NLRP14: variants seen among roughly 807,000 people sequenced by gnomAD.
NLRP14 encodes NACHT, LRR and PYD domains-containing protein 14.
In NLRP14, 105 loss-of-function variants were observed where a neutral mutation model predicts 94.7. The ratio of observed to expected loss-of-function variants is 1.11; its 90% CI spans 0.95 to 1.30. The LOEUF (loss-of-function observed/expected upper bound fraction) is 1.30, where lower values mean the gene tolerates loss of function less well. Among genes scored for constraint, NLRP14 ranks in the 50% most tolerant of loss-of-function variants. The pLI is 0.00. For missense variants in NLRP14, 1,362 were observed against 1,254.1 expected, an observed-to-expected ratio of 1.09 and a Z score of -1.30; for synonymous variants, 508 against 459.9, an observed-to-expected ratio of 1.10 and a Z score of -1.34.
intron 6 of NLRP14, among the ~76,000 whole-genome samples, chr11:7,054,778 C>A (rs946831243): frequency 1.3e-5 from 2 of 151,974 alleles, no homozygotes; most frequent in African/African-American, 4.8e-5. Context: ...TTGGTTGTTT[C>A]TTTTGCTGTG....
At chr11:7,041,121 A>C (rs376572750) in intron 3 of NLRP14, among the ~76,000 whole-genome samples, 1 of 152,168 alleles carries the variant, frequency 6.6e-6, no homozygotes, top group Non-Finnish European at 1.5e-5. Flanking sequence ...TGTTTGAATT[A>C]CTATAGTTTC....
the NLRP14 span, among the ~76,000 whole-genome samples, chr11:7,086,100 AT>A: frequency 3.8e-4 from 58 of 152,272 alleles, no homozygotes; most frequent in Non-Finnish European, 8.1e-4. Flanking sequence ...TCTATTCCTA[AT>A]TTTTTGAAGA....
Position 7,070,590 on chromosome 11 carries a change from T to C in NLRP14, c.3146+134T>C, listed in dbSNP as rs1042069072. 50 of 659,048 alleles carry C rather than the reference T, an allele frequency of 7.6e-5. No homozygotes were observed. In the South Asian group the frequency reaches 8.7e-4, roughly 11 times the overall value. The allele number at this position is 659,048 out of a possible 1,614,324, so 40.8% of individuals were successfully genotyped here. On this transcript the variant is annotated intron_variant, in intron 11 of 11. Transcript: ENST00000299481. ...TTTTCTAGACACTTATTTGTTTTTC[T>C]GTCATAGAACACTGAATATTGAGAG...
chr11:7,088,080 C>T, the NLRP14 span, among the ~76,000 whole-genome samples: 4,718 of 152,188 alleles, frequency 0.031, 137 homozygotes, highest in East Asian at 0.13. Flanking sequence ...AAATAAAAAA[C>T]AAGTTAGAAA....
chr11:7,064,575 A>T (rs1354892900), intron 10 of NLRP14, among the ~76,000 whole-genome samples: 1 of 152,108 alleles, frequency 6.6e-6, no homozygotes, highest in Non-Finnish European at 1.5e-5. Context: ...CAGTGGCTAG[A>T]ACTTCACCTA....
chr11:7,080,369 T>C, the NLRP14 span, among the ~76,000 whole-genome samples: 7 of 152,190 alleles, frequency 4.6e-5, no homozygotes, highest in Non-Finnish European at 7.4e-5. Flanking sequence ...CCTAGCCAAC[T>C]TGGGGGTTCC....
At chr11:7,076,644 T>C in the NLRP14 span, among the ~76,000 whole-genome samples, 1 of 152,094 alleles carries the variant, frequency 6.6e-6, no homozygotes, top group Non-Finnish European at 1.5e-5. Context: ...ATCTTATATA[T>C]CATCATCTCC....
the NLRP14 span, chr11:7,089,732 C>T: frequency 6.5e-7 from 1 of 1,542,600 alleles, no homozygotes; most frequent in Non-Finnish European, 8.7e-7. Flanking sequence ...CGCGCCGCGA[C>T]CCCTACCTGG....
chr11:7,053,763 A>T lies in NLRP14; in HGVS notation c.2292-3914A>T, dbSNP rs1008410429. 7.2e-5 allele frequency among the ~76,000 whole-genome samples: 11 copies of T among 152,076 alleles called. No homozygotes were observed. In the East Asian group the frequency reaches 2.1e-3, roughly 29 times the overall value. On this transcript the variant is annotated intron_variant, in intron 6 of 11. Coordinates refer to ENST00000299481, the MANE Select transcript of NLRP14 (RefSeq NM_176822.4). ...ATAATCACATCAAGGTAAATGGGGTATCTATCACCTCACGCATTTATTTAT... is the reference window on the plus strand; with the variant it reads ...ATAATCACATCAAGGTAAATGGGGTTTCTATCACCTCACGCATTTATTTAT...
intron 1 of NLRP14, among the ~76,000 whole-genome samples, chr11:7,021,093 G>T (rs1851923644): frequency 6.6e-6 from 1 of 152,154 alleles, no homozygotes; most frequent in Admixed American, 6.5e-5. Context: ...ATTAGGCAAG[G>T]AACTTTTGGT....
chr11:7,068,374 G>A (rs886734743), intron 10 of NLRP14, among the ~76,000 whole-genome samples: 1 of 152,104 alleles, frequency 6.6e-6, no homozygotes, highest in African/African-American at 2.4e-5. Flanking sequence ...TCAAATGACT[G>A]CGTTAACTTA....
At chr11:7,020,989 T>C (rs1851920480) in intron 1 of NLRP14, among the ~76,000 whole-genome samples, 1 of 152,224 alleles carries the variant, frequency 6.6e-6, no homozygotes, top group Non-Finnish European at 1.5e-5. Context: ...CCTGTTCTAT[T>C]ATTTAGCTGA....
intron 10 of NLRP14, 30 bp from the exon 11 acceptor site, chr11:7,070,256 A>G: frequency 6.4e-7 from 1 of 1,557,006 alleles, no homozygotes; most frequent in Non-Finnish European, 8.8e-7. Flanking sequence ...GAATAAATTC[A>G]TTTTTATCTT....
rs1852029328 is a variant in NLRP14, at chr11:7,027,230, T to G, written c.-22+6460T>G. Among the ~76,000 whole-genome samples the G allele has an allele frequency of 2.6e-5, 4 of 151,658 alleles. No homozygotes were observed. In the Admixed American group the frequency reaches 2.6e-4, roughly 10 times the overall value. Reference sequence around the variant, plus strand: ...TCTCTAAAACAAAACAATAAAATTTTCTGGGGCCCTGTTTTAGTTAGTGTA... The same window carrying G: ...TCTCTAAAACAAAACAATAAAATTTGCTGGGGCCCTGTTTTAGTTAGTGTA... On this transcript the variant is annotated intron_variant, in intron 1 of 11. Transcript: ENST00000299481.
At chr11:7,089,124 G>A in the NLRP14 span, 191 of 1,613,718 alleles carry the variant, frequency 1.2e-4, no homozygotes, top group South Asian at 1.5e-3. Flanking sequence ...GGCAAACATG[G>A]TTGAAGCGGA....
chr11:7,027,957 A>C (rs1852037517), intron 1 of NLRP14, among the ~76,000 whole-genome samples: 1 of 152,074 alleles, frequency 6.6e-6, no homozygotes, highest in South Asian at 2.1e-4. Context: ...GCTTTTTTGA[A>C]AACAATTTTA....
At chr11:7,050,467 A>T (rs1552725) in intron 6 of NLRP14, among the ~76,000 whole-genome samples, 86,390 of 151,522 alleles carry the variant, frequency 0.57, 25,633 homozygotes, top group East Asian at 0.86. Context: ...GAAAGATCTT[A>T]TTTTTCAATG....
Position 7,038,546 on chromosome 11 carries a change from T to A in NLRP14, c.-21-20T>A. ...CCCATTTATTCCATGTGCTTTTGGT[T>A]ATTTTTTTTCCCCCCACAGAGGCCT... On this transcript the variant is annotated intron_variant, in intron 1 of 11. Coordinates refer to ENST00000299481, the MANE Select transcript of NLRP14 (RefSeq NM_176822.4). 6.3e-7 allele frequency: 1 copy of A among 1,594,056 alleles called. No individual in the cohort carries two copies. The highest frequency in any genetic ancestry group is 1.1e-5 in the South Asian group (1 of 90,392).
intron 5 of NLRP14, among the ~76,000 whole-genome samples, chr11:7,047,305 T>C (rs1426369828): frequency 1.3e-5 from 1 of 79,768 alleles, no homozygotes; most frequent in East Asian, 3.9e-4. Flanking sequence ...GAAAGGTCCC[T>C]TGTACCCCTT....
Sources: allele counts gnomAD v4.1 joint callset (sites outside exome capture counted in the v4.1 genomes callset), GRCh38; gene constraint gnomAD v4.1.1; transcripts MANE v1.5; gene names NCBI Gene and HGNC (gene_info 2026-07-23, HGNC 2026-07-21).